The following ANKRD11 variants were observed in gnomAD, a reference collection of about 807,000 sequenced individuals.
The protein encoded by ANKRD11 is ankyrin repeat domain 11.
In ANKRD11, 17 loss-of-function variants were observed where a neutral mutation model predicts 195.7. The observed-to-expected ratio is 0.09, with a 90% CI of 0.06 to 0.13. The LOEUF (loss-of-function observed/expected upper bound fraction) is 0.13. Ranked by LOEUF, ANKRD11 falls within the 10% of genes least tolerant of loss-of-function variation. The probability of loss-of-function intolerance (pLI) is 1.00; values close to 1 mark genes in which losing one functional copy is unlikely to be tolerated. For synonymous variants in ANKRD11, 1,953 were observed against 1,528.1 expected, an observed-to-expected ratio of 1.28 and a Z score of -6.49; for missense variants, 3,735 against 3,566.1, an observed-to-expected ratio of 1.05 and a Z score of -1.21.
chr16:89,302,697 G>A (rs2035933146), intron 4 of ANKRD11, among the ~76,000 whole-genome samples: 1 of 152,148 alleles, frequency 6.6e-6, no homozygotes, highest in Admixed American at 6.5e-5. Flanking sequence ...CCCCGAAAGG[G>A]TGATAAACAC....
At position 89,284,663 on chromosome 16, in the gene ANKRD11, T is replaced by G. The variant is rs1226657429; in HGVS notation, c.1879A>C (p.Lys627Gln). ...GAVPKLDKEG[K>Q]VVKKHKTKHK... ...TTTGTTTTATGTTTTTTGACAACTTTCCCCTCCTTGTCCAGTTTGGGGACA... is the reference window on the plus strand; with the variant it reads ...TTTGTTTTATGTTTTTTGACAACTTGCCCCTCCTTGTCCAGTTTGGGGACA... The change falls in exon 9 of 13, where the codon AAA becomes CAA. Residue 627 changes from lysine to glutamine, a missense_variant. Lys to Gln is a moderately conservative substitution (Grantham distance 53). Coordinates refer to ENST00000301030, the MANE Select transcript of ANKRD11 (RefSeq NM_013275.6). 6.2e-7 allele frequency: 1 copy of G among 1,613,950 alleles called. No individual in the cohort carries two copies. The highest frequency in any genetic ancestry group is 8.5e-7 in the Non-Finnish European group (1 of 1,180,042).
In ANKRD11 at chr16:89,288,226, C is replaced by A. The variant is rs2034788638; in HGVS notation, c.744+302G>T. ...GGGGACCGGCAGCAACTCCTGCAGGCCTCCTTCCACTTGGTGTAATCCTTC... is the reference window on the plus strand; with the variant it reads ...GGGGACCGGCAGCAACTCCTGCAGGACTCCTTCCACTTGGTGTAATCCTTC... On this transcript the variant is annotated intron_variant, in intron 7 of 12. Transcript: ENST00000301030. 1.3e-5 allele frequency: 8 copies of A among 612,640 alleles called. No individual in the cohort carries two copies. The East Asian group carries it at 2.2e-4, about 17-fold the overall frequency. The allele number at this position is 612,640 out of a possible 1,614,324, so 38.0% of individuals were successfully genotyped here. A position where few individuals can be genotyped will look rare whatever the true frequency, so the allele number is the denominator to read the frequency against.
At chr16:89,292,316 C>T (rs549931671) in intron 4 of ANKRD11, among the ~76,000 whole-genome samples, 5 of 152,306 alleles carry the variant, frequency 3.3e-5, no homozygotes, top group South Asian at 2.1e-4. Flanking sequence ...TCTCTAACAA[C>T]GGACTAACTG....
chr16:89,475,636 A>C (rs1434159454), intron 1 of ANKRD11, among the ~76,000 whole-genome samples: 3 of 152,230 alleles, frequency 2.0e-5, no homozygotes, highest in African/African-American at 7.2e-5. Flanking sequence ...GGAAGTCTGA[A>C]AACAGTACTA....
chr16:89,299,450 C>G (rs1433569162), intron 4 of ANKRD11: 21 of 159,138 alleles, frequency 1.3e-4, no homozygotes, highest in Non-Finnish European at 2.5e-4. Flanking sequence ...GGTCTGTGCC[C>G]TGTGTGAGGT....
chr16:89,363,008 A>T (rs2039797221), intron 2 of ANKRD11, among the ~76,000 whole-genome samples: 1 of 151,770 alleles, frequency 6.6e-6, no homozygotes, highest in Non-Finnish European at 1.5e-5. Context: ...GGTCTCCTTT[A>T]TCCGGTGTAC....
At chr16:89,479,803 G>A (rs935160321) in intron 1 of ANKRD11, among the ~76,000 whole-genome samples, 3 of 151,510 alleles carry the variant, frequency 2.0e-5, no homozygotes, top group Admixed American at 6.6e-5. Flanking sequence ...ATTAGCCGGG[G>A]GTGGTGGCAG....
intron 2 of ANKRD11, among the ~76,000 whole-genome samples, chr16:89,373,851 G>T (rs2040301245): frequency 6.6e-6 from 1 of 152,232 alleles, no homozygotes; most frequent in African/African-American, 2.4e-5. Flanking sequence ...CTTACTTTTA[G>T]TTAGAGCTGC....
chr16:89,405,471 C>T (rs1258615378), intron 2 of ANKRD11, among the ~76,000 whole-genome samples: 2 of 150,598 alleles, frequency 1.3e-5, no homozygotes, highest in African/African-American at 2.4e-5. Context: ...ACTACAGGCA[C>T]GTGCCACCAC....
intron 2 of ANKRD11, chr16:89,343,546 T>G (rs988348415): frequency 3.9e-5 from 6 of 152,256 alleles, no homozygotes; most frequent in Non-Finnish European, 4.4e-5. Flanking sequence ...TGGAGGCATG[T>G]GAGGGTGCAC....
chr16:89,334,172 A>AAAAAAAG (rs1555545552), intron 2 of ANKRD11, among the ~76,000 whole-genome samples: 1 of 148,974 alleles, frequency 6.7e-6, no homozygotes, highest in African/African-American at 2.5e-5. Flanking sequence ...AAAAAAAAAA[A>AAAAAAAG]ACAGAGAGAG....
chr16:89,393,423 A>AGG (rs1240217595), intron 2 of ANKRD11, among the ~76,000 whole-genome samples: 2 of 150,508 alleles, frequency 1.3e-5, no homozygotes, highest in Non-Finnish European at 3.0e-5. Context: ...TCCTGAGTTC[A>AGG]AGCAATTCTC....
chr16:89,377,064 T>C (rs2040452899), intron 2 of ANKRD11, among the ~76,000 whole-genome samples: 1 of 152,234 alleles, frequency 6.6e-6, no homozygotes, highest in African/African-American at 2.4e-5. Context: ...TACCTTGCCT[T>C]GCCAGTAAGG....
At chr16:89,353,503 A>T (rs2152036487) in intron 2 of ANKRD11, among the ~76,000 whole-genome samples, 1 of 151,890 alleles carries the variant, frequency 6.6e-6, no homozygotes, top group South Asian at 2.1e-4. Flanking sequence ...TTTGAGACAG[A>T]GTCTTACTGT....
chr16:89,327,812 T>C (rs1026823028), intron 2 of ANKRD11, among the ~76,000 whole-genome samples: 2 of 151,770 alleles, frequency 1.3e-5, no homozygotes, highest in Non-Finnish European at 2.9e-5. Context: ...CAGGAGAAAA[T>C]CTTTAGGACC....
At chr16:89,388,293 ATTTTTTTTTT>A (rs71134215) in intron 2 of ANKRD11, among the ~76,000 whole-genome samples, 2 of 85,266 alleles carry the variant, frequency 2.3e-5, no homozygotes, top group Non-Finnish European at 4.5e-5. Flanking sequence ...CATGAGGCTG[ATTTTTTTTTT>A]TTTTTTTTTT....
At position 89,282,062 on chromosome 16, in the gene ANKRD11, G is replaced by C. The variant is rs758824643; in HGVS notation, c.4480C>G (p.Arg1494Gly). 1 of 1,612,040 alleles carries C rather than the reference G, an allele frequency of 6.2e-7. No homozygotes were observed. Among genetic ancestry groups the C allele is most frequent in the Non-Finnish European group, 8.5e-7 (1 of 1,179,026 alleles). Residue 1494 changes from arginine to glycine, a missense_variant, in exon 9 of 13, where the codon CGG (arginine) becomes GGG (glycine). Transcript: ENST00000301030. ...GGCTTCTGCTCGTCCCTGTGATGCCGCAGGAGCTCGTCCCTGTGATGCCGC... is the reference window on the plus strand; with the variant it reads ...GGCTTCTGCTCGTCCCTGTGATGCCCCAGGAGCTCGTCCCTGTGATGCCGC... ...LLRHHRDELL[R>G]HHRDEQKPAT...
chr16:89,383,612 C>T lies in ANKRD11; in HGVS notation c.-60+34672G>A, dbSNP rs570837983. Among the ~76,000 whole-genome samples, 809 of 152,276 alleles carry T rather than the reference C, an allele frequency of 5.3e-3. 5 individuals carry two copies. The highest frequency in any genetic ancestry group is 8.5e-3 in the Non-Finnish European group (580 of 68,006). ...AGCCGAAGAGCCTCCCATGGTGTCA[C>T]GTCGAGCCCCTGCCCTCGGACCAGC... On this transcript the variant is annotated intron_variant, in intron 2 of 12. Coordinates refer to ENST00000301030, the MANE Select transcript of ANKRD11 (RefSeq NM_013275.6).
At chr16:89,321,413 G>A (rs1182663438) in intron 2 of ANKRD11, among the ~76,000 whole-genome samples, 1 of 150,252 alleles carries the variant, frequency 6.7e-6, no homozygotes, top group Non-Finnish European at 1.5e-5. Flanking sequence ...TGTGGGGAGG[G>A]GACTGTGGGG....
Sources: gnomAD v4.1 joint callset for allele counts (sites outside exome capture counted in the v4.1 genomes callset) on GRCh38, gnomAD v4.1.1 for gene constraint, MANE v1.5 for transcripts, NCBI Gene and HGNC (gene_info 2026-07-23, HGNC 2026-07-21) for gene names.